Variants in CCDC73 observed in about 807,000 individuals in gnomAD.
The protein encoded by CCDC73 is coiled-coil domain containing 73, also known as coiled-coil domain-containing protein 73.
Under a neutral mutation model 116.5 loss-of-function variants are expected in CCDC73, and 95 were observed. The observed-to-expected ratio is 0.82, with a 90% CI of 0.69 to 0.97. The LOEUF (loss-of-function observed/expected upper bound fraction) is 0.97, where lower values mean the gene tolerates loss of function less well. CCDC73 is among the 50% of genes least tolerant of loss of function. The pLI is 0.00. For synonymous variants in CCDC73, 398 were observed against 401.3 expected (o/e 0.99, Z 0.10); for missense variants, 1,066 against 1,206.8 (o/e 0.88, Z 1.73).
At chr11:32,657,717 C>T (rs2133266395) in intron 9 of CCDC73, among the ~76,000 whole-genome samples, 1 of 152,210 alleles carries the variant, frequency 6.6e-6, no homozygotes, top group South Asian at 2.1e-4. Context: ...TTGGTAATAC[C>T]TCTATATCTT....
In CCDC73 at chr11:32,694,105, G is replaced by A. The variant is rs535244452; in HGVS notation, c.390+5146C>T. Among the ~76,000 whole-genome samples the A allele has an allele frequency of 1.1e-4, 16 of 152,280 alleles. No individual in the cohort carries two copies. The East Asian group carries it at 2.5e-3, about 24-fold the overall frequency. The stretch of plus-strand genomic sequence containing the variant: ...GAAAGAAATAAAGGGTATTCAATTA[G>A]GAAAAGAGGAAGTCAAATTGTCCCT... On this transcript the variant is annotated intron_variant, in intron 6 of 17. Transcript: ENST00000335185.
chr11:32,701,069 C>T (rs963854992), intron 4 of CCDC73, among the ~76,000 whole-genome samples: 7 of 152,096 alleles, frequency 4.6e-5, no homozygotes, highest in Non-Finnish European at 8.8e-5. Flanking sequence ...GTTGCCCAGG[C>T]TATACTCCAA....
At chr11:32,630,866 A>C (rs189479458) in intron 14 of CCDC73, among the ~76,000 whole-genome samples, 7 of 152,320 alleles carry the variant, frequency 4.6e-5, no homozygotes, top group Non-Finnish European at 7.4e-5. Context: ...TCCCATAAAA[A>C]AGTAACAAGA....
At chr11:32,621,114 T>A (rs1456209852) in intron 14 of CCDC73, among the ~76,000 whole-genome samples, 1 of 152,152 alleles carries the variant, frequency 6.6e-6, no homozygotes, top group Non-Finnish European at 1.5e-5. Context: ...AATTTATAGA[T>A]TCAATGCTAT....
At chr11:32,659,273 C>T (rs1207162986) in intron 9 of CCDC73, among the ~76,000 whole-genome samples, 2 of 152,014 alleles carry the variant, frequency 1.3e-5, no homozygotes, top group African/African-American at 4.8e-5. Context: ...AATGTGTGAC[C>T]TGTTAACCCT....
chr11:32,830,361 G>C, the CCDC73 span: 2 of 827,692 alleles, frequency 2.4e-6, no homozygotes, highest in Non-Finnish European at 3.4e-6. Context: ...TCCTGGGCGC[G>C]CGTCGGGTTC....
intron 17 of CCDC73, among the ~76,000 whole-genome samples, chr11:32,609,312 T>TACCC (rs1227390956): frequency 1.3e-5 from 2 of 152,156 alleles, no homozygotes; most frequent in Non-Finnish European, 2.9e-5. Flanking sequence ...CCAGATACCC[T>TACCC]AAATCATCTC....
intron 9 of CCDC73, among the ~76,000 whole-genome samples, chr11:32,668,185 T>C (rs181955369): frequency 1.8e-4 from 28 of 152,332 alleles, no homozygotes; most frequent in African/African-American, 6.3e-4. Flanking sequence ...AGCTGCACTG[T>C]GATGTAGAAT....
In CCDC73 at chr11:32,760,225, T is replaced by C; in HGVS notation, c.19A>G (p.Thr7Ala). The C allele has an allele frequency of 6.4e-7, 1 of 1,568,196 alleles. No homozygotes were observed. Among genetic ancestry groups the C allele is most frequent in the South Asian group, 1.2e-5 (1 of 85,524 alleles). MESNFN[T>A]ESSSTFTLQS... ...AGAGTAAAAGTAGATGATGACTCAG[T>C]ATTGAAGTTGCTTTCCATATTAATA... Residue 7 changes from threonine (T) to alanine (A), a missense_variant, in exon 2 of 18, where the codon ACT becomes GCT. Coordinates refer to ENST00000335185, the MANE Select transcript of CCDC73 (RefSeq NM_001008391.4).
intron 9 of CCDC73, among the ~76,000 whole-genome samples, chr11:32,665,176 G>A (rs1221944174): frequency 3.3e-5 from 5 of 152,090 alleles, no homozygotes; most frequent in African/African-American, 7.2e-5. Context: ...TATTAGGTCC[G>A]CTTGGTGCAG....
At chr11:32,661,009 G>C (rs978840580) in intron 9 of CCDC73, among the ~76,000 whole-genome samples, 3 of 152,092 alleles carry the variant, frequency 2.0e-5, no homozygotes, top group African/African-American at 7.2e-5. Context: ...CCACATAAGC[G>C]GGAACAGTCT....
chr11:32,768,462 A>C (rs1850463522), intron 1 of CCDC73, among the ~76,000 whole-genome samples: 1 of 152,216 alleles, frequency 6.6e-6, no homozygotes, highest in Non-Finnish European at 1.5e-5. Context: ...CCTAGAACCT[A>C]AAGTATAGTA....
At chr11:32,603,099 T>C (rs1034119218) in intron 17 of CCDC73, 79 bp from the exon 18 acceptor site, 65 of 1,184,848 alleles carry the variant, frequency 5.5e-5, no homozygotes, top group East Asian at 9.4e-5. Context: ...TCTGCAGTTA[T>C]GAGTATGTGG....
intron 6 of CCDC73, among the ~76,000 whole-genome samples, chr11:32,687,901 A>G (rs1856217705): frequency 6.6e-6 from 1 of 152,174 alleles, no homozygotes; most frequent in South Asian, 2.1e-4. Context: ...AAAATGCTGA[A>G]AGAATGATGA....
chr11:32,829,734 C>T, the CCDC73 span: 30 of 981,778 alleles, frequency 3.1e-5, no homozygotes, highest in Admixed American at 6.1e-5. Context: ...CCACCCGCGC[C>T]GCCAAGGCGG....
At chr11:32,825,392 T>C in the CCDC73 span, among the ~76,000 whole-genome samples, 1 of 150,058 alleles carries the variant, frequency 6.7e-6, no homozygotes, top group East Asian at 2.0e-4. Context: ...AACCTCCACC[T>C]TCTGGGTTCA....
intron 6 of CCDC73, among the ~76,000 whole-genome samples, chr11:32,685,788 C>A (rs1425672899): frequency 2.1e-5 from 3 of 139,684 alleles, no homozygotes; most frequent in African/African-American, 8.2e-5. Context: ...GTGGTGCGAT[C>A]TCAGCTCACT....
chr11:32,719,171 T>C (rs1052977979), intron 2 of CCDC73, among the ~76,000 whole-genome samples: 2 of 152,204 alleles, frequency 1.3e-5, no homozygotes, highest in African/African-American at 2.4e-5. Flanking sequence ...TCTGGTTTTG[T>C]TTGAAATAAT....
intron 14 of CCDC73, among the ~76,000 whole-genome samples, chr11:32,622,931 C>T (rs1359880852): frequency 1.3e-5 from 2 of 152,018 alleles, no homozygotes; most frequent in East Asian, 3.9e-4. Flanking sequence ...GTATCAAATG[C>T]TTCAAAGGGA....
Sources: allele counts gnomAD v4.1 joint callset (sites outside exome capture counted in the v4.1 genomes callset), GRCh38; gene constraint gnomAD v4.1.1; transcripts MANE v1.5; gene names NCBI Gene and HGNC (gene_info 2026-07-23, HGNC 2026-07-21).